PRKN: variants seen among roughly 807,000 people sequenced by gnomAD.
PRKN encodes parkin RBR E3 ubiquitin protein ligase, also known as E3 ubiquitin-protein ligase parkin.
Under a neutral mutation model 59.5 loss-of-function variants are expected in PRKN, and 56 were observed. The ratio of observed to expected loss-of-function variants is 0.94; its 90% CI spans 0.76 to 1.18. PRKN has a LOEUF of 1.18. Among genes scored for constraint, PRKN ranks in the 50% most tolerant of loss-of-function variants. The probability of loss-of-function intolerance (pLI) is 0.00; values close to 1 mark genes in which losing one functional copy is unlikely to be tolerated. For synonymous variants in PRKN, 250 were observed against 222.1 expected, an observed-to-expected ratio of 1.13 and a Z score of -1.12; for missense variants, 657 against 596.4, an observed-to-expected ratio of 1.10 and a Z score of -1.06.
intron 5 of PRKN, among the ~76,000 whole-genome samples, chr6:162,049,001 G>A (rs1387193709): frequency 6.6e-6 from 1 of 152,030 alleles, no homozygotes; most frequent in Non-Finnish European, 1.5e-5. Flanking sequence ...TTATAAAAAG[G>A]TAAGAACTAA....
chr6:161,407,455 C>T lies in PRKN; in HGVS notation c.1084-20578G>A, dbSNP rs563470336. ...AAGATGACATTAATGGTAAAAAGCA[C>T]CTTCAATTTAATAGTGGCTTGACCA... On this transcript the variant is annotated intron_variant, in intron 9 of 11. Coordinates refer to ENST00000366898, the MANE Select transcript of PRKN (RefSeq NM_004562.3). This position sits in a 1 kb window ranked among gnomAD's most constrained non-coding sequence, Gnocchi z 4.9. 5.1e-4 allele frequency among the ~76,000 whole-genome samples: 78 copies of T among 152,136 alleles called. No individual in the cohort carries two copies. Among genetic ancestry groups the T allele is most frequent in the African/African-American group, 1.7e-3 (71 of 41,486 alleles).
chr6:162,526,085 C>T (rs142852696), intron 1 of PRKN, among the ~76,000 whole-genome samples: 2,953 of 152,078 alleles, frequency 0.019, 90 homozygotes, highest in African/African-American at 0.068. Context: ...TCAAGCGATC[C>T]GCCTGCCTTG....
At chr6:162,141,443 A>G (rs1010080306) in intron 4 of PRKN, among the ~76,000 whole-genome samples, 3 of 152,214 alleles carry the variant, frequency 2.0e-5, no homozygotes, top group African/African-American at 7.2e-5. Flanking sequence ...TGTGCAATCT[A>G]CAGTTTAATG....
chr6:162,441,522 T>C (rs1790049085), intron 2 of PRKN, among the ~76,000 whole-genome samples: 1 of 152,208 alleles, frequency 6.6e-6, no homozygotes, highest in Non-Finnish European at 1.5e-5. Context: ...TCAGGTGCGA[T>C]ACGGCAGTTA....
intron 4 of PRKN, among the ~76,000 whole-genome samples, chr6:162,171,830 C>T (rs1318558784): frequency 6.6e-6 from 1 of 152,122 alleles, no homozygotes; most frequent in Non-Finnish European, 1.5e-5. Flanking sequence ...TTATTTTCCT[C>T]ATATATGAGC....
chr6:162,424,815 G>C (rs1405805941), intron 2 of PRKN, among the ~76,000 whole-genome samples: 1 of 151,986 alleles, frequency 6.6e-6, no homozygotes, highest in African/African-American at 2.4e-5. Context: ...GGGAGGTTGT[G>C]TGTAAGTAAG....
At chr6:162,214,026 G>T (rs1331826380) in intron 3 of PRKN, among the ~76,000 whole-genome samples, 1 of 151,948 alleles carries the variant, frequency 6.6e-6, no homozygotes, top group East Asian at 1.9e-4. Context: ...AAAAGGTGTT[G>T]GCTCAATGCT....
At chr6:162,509,005 T>C (rs1024412906) in intron 1 of PRKN, among the ~76,000 whole-genome samples, 1 of 152,136 alleles carries the variant, frequency 6.6e-6, no homozygotes. Flanking sequence ...ATTATCAAAA[T>C]AACTAAGAAT....
rs191221761 is a variant in PRKN at position 162,168,377 on chromosome 6, T to A, written c.534+32754A>T. 3.6e-4 allele frequency among the ~76,000 whole-genome samples: 55 copies of A among 151,996 alleles called. 1 individual carries two copies. The highest frequency in any genetic ancestry group is 1.2e-3 in the African/African-American group (51 of 41,496). On this transcript the variant is annotated intron_variant, in intron 4 of 11. Coordinates refer to ENST00000366898, the MANE Select transcript of PRKN (RefSeq NM_004562.3). ...CTTTCCAAATTTTTTTTTTCAGTCT[T>A]GTGGCCCCTAACTAGTAATTAAGAG...
chr6:162,534,437 T>A (rs1013585862), intron 1 of PRKN, among the ~76,000 whole-genome samples: 1 of 152,166 alleles, frequency 6.6e-6, no homozygotes, highest in Non-Finnish European at 1.5e-5. Flanking sequence ...TTACGGTAGT[T>A]CTTTTACAAC....
intron 1 of PRKN, among the ~76,000 whole-genome samples, chr6:162,524,507 T>A (rs6904956): frequency 6.6e-6 from 1 of 152,136 alleles, no homozygotes; most frequent in African/African-American, 2.4e-5. Context: ...TAAAATATAA[T>A]GCATGGACCT....
At position 161,785,844 on chromosome 6, in the gene PRKN, A is replaced by G. The variant is rs114696251; in HGVS notation, c.799T>C (p.Tyr267His). 224 of 1,614,162 alleles carry G rather than the reference A, an allele frequency of 1.4e-4. No homozygotes were observed. The African/African-American group carries it at 2.3e-3, about 17-fold the overall frequency. Reference protein sequence around the residue: ...HVICLDCFHLYCVTRLNDRQF... With the variant: ...HVICLDCFHLHCVTRLNDRQF... Reference sequence around the variant, plus strand: ...CGATCATTGAGTCTTGTCACACAGTATAAGTGGAAACAGTCTAAGCAAATC... The same window carrying G: ...CGATCATTGAGTCTTGTCACACAGTGTAAGTGGAAACAGTCTAAGCAAATC... The change falls in exon 7 of 12, where the codon TAC (tyrosine) becomes CAC (histidine). Residue 267 changes from tyrosine (Y) to histidine (H), a missense_variant. Coordinates refer to ENST00000366898, the MANE Select transcript of PRKN (RefSeq NM_004562.3).
intron 4 of PRKN, among the ~76,000 whole-genome samples, chr6:162,125,544 CA>C (rs1357136687): frequency 6.6e-6 from 1 of 152,120 alleles, no homozygotes; most frequent in Non-Finnish European, 1.5e-5. Flanking sequence ...AGGGTTAGAA[CA>C]CGATTACCCC....
At chr6:162,302,193 C>T (rs1477484869) in intron 2 of PRKN, among the ~76,000 whole-genome samples, 1 of 152,086 alleles carries the variant, frequency 6.6e-6, no homozygotes, top group Non-Finnish European at 1.5e-5. Flanking sequence ...GCCTTCATAA[C>T]CTCACACCTG....
chr6:162,133,983 A>C (rs1206281676), intron 4 of PRKN, among the ~76,000 whole-genome samples: 1 of 152,222 alleles, frequency 6.6e-6, no homozygotes, highest in Admixed American at 6.5e-5. Flanking sequence ...AGTGTGAAGA[A>C]ATATGGAAGG....
chr6:162,053,552 G>C (rs1286445258), intron 5 of PRKN, among the ~76,000 whole-genome samples: 3 of 152,148 alleles, frequency 2.0e-5, no homozygotes, highest in African/African-American at 7.2e-5. Flanking sequence ...TATGTGCAAA[G>C]AGAGAAAGGA....
intron 6 of PRKN, among the ~76,000 whole-genome samples, chr6:161,958,957 T>C (rs192954998): frequency 6.6e-6 from 1 of 152,182 alleles, no homozygotes; most frequent in African/African-American, 2.4e-5. Context: ...CATAGTTGAA[T>C]CTGACTGTTT....
intron 6 of PRKN, among the ~76,000 whole-genome samples, chr6:161,809,885 T>A (rs1791491257): frequency 6.6e-6 from 1 of 152,240 alleles, no homozygotes; most frequent in Non-Finnish European, 1.5e-5. Context: ...TGTGCCTGTT[T>A]CTGCTCTAAA....
At chr6:162,493,553 A>G (rs1386830118) in intron 1 of PRKN, among the ~76,000 whole-genome samples, 1 of 152,218 alleles carries the variant, frequency 6.6e-6, no homozygotes, top group Non-Finnish European at 1.5e-5. Flanking sequence ...AAGAAACTAC[A>G]TATTTCAAAG....
Sources: gnomAD v4.1 joint callset for allele counts (sites outside exome capture counted in the v4.1 genomes callset) on GRCh38, gnomAD v4.1.1 for gene constraint, Gnocchi (gnomAD v3.1) non-coding constraint, MANE v1.5 for transcripts, NCBI Gene and HGNC (gene_info 2026-07-23, HGNC 2026-07-21) for gene names.